CFAP299: variants seen among roughly 807,000 people sequenced by gnomAD.
CFAP299 encodes cilia- and flagella-associated protein 299.
In CFAP299, 21 loss-of-function variants were observed where a neutral mutation model predicts 27.0. The observed-to-expected ratio is 0.78, with a 90% CI of 0.55 to 1.12. The LOEUF is 1.12. Among genes scored for constraint, CFAP299 ranks in the 50% most tolerant of loss-of-function variants. CFAP299 has a pLI of 0.00. For synonymous variants in CFAP299, 104 were observed against 98.1 expected (o/e 1.06, Z -0.36); for missense variants, 310 against 276.6 (o/e 1.12, Z -0.86).
intron 4 of CFAP299, among the ~76,000 whole-genome samples, chr4:80,882,522 C>T (rs1283788192): frequency 1.3e-5 from 2 of 151,958 alleles, no homozygotes. Context: ...CCTGTAGTCC[C>T]AGCTACTCCG....
chr4:80,503,652 C>T (rs1731849333), intron 2 of CFAP299, among the ~76,000 whole-genome samples: 1 of 152,034 alleles, frequency 6.6e-6, no homozygotes, highest in African/African-American at 2.4e-5. Flanking sequence ...AGAACGGTGG[C>T]TAATATATAT....
chr4:80,662,405 T>C lies in CFAP299; in HGVS notation c.333+79222T>C, dbSNP rs1362828516. Among the ~76,000 whole-genome samples the C allele has an allele frequency of 1.6e-4, 9 of 56,798 alleles. No individual in the cohort carries two copies. The Admixed American group carries it at 2.4e-3, about 15-fold the overall frequency. The allele number at this position is 56,798 out of a possible 152,430, so 37.3% of individuals were successfully genotyped here. A position where few individuals can be genotyped will look rare whatever the true frequency, so the allele number is the denominator to read the frequency against. On this transcript the variant is annotated intron_variant, in intron 3 of 5. Transcript: ENST00000358105. ...CTATGTGAAATATTGGGTGTGAATT[T>C]CCCCCGAAAAAAAAAAAAAAGTGTT...
Position 80,898,010 on chromosome 4 carries a change from C to T in CFAP299, c.476+27875C>T, listed in dbSNP as rs548013864. Among the ~76,000 whole-genome samples the T allele has an allele frequency of 1.4e-3, 207 of 152,210 alleles. 2 individuals carry two copies. Among genetic ancestry groups the T allele is most frequent in the Non-Finnish European group, 2.2e-4 (15 of 68,020 alleles). On this transcript the variant is annotated intron_variant, in intron 4 of 5. Coordinates refer to ENST00000358105, the MANE Select transcript of CFAP299 (RefSeq NM_152770.3). Reference sequence around the variant, plus strand: ...TTTGGGCACTGGCAGGAGCAAACTCCATGTGGGGCCTCATGACAGTGTCCA... The same window carrying T: ...TTTGGGCACTGGCAGGAGCAAACTCTATGTGGGGCCTCATGACAGTGTCCA...
intron 2 of CFAP299, among the ~76,000 whole-genome samples, chr4:80,469,129 C>T (rs914683997): frequency 2.0e-5 from 3 of 152,206 alleles, no homozygotes; most frequent in Non-Finnish European, 4.4e-5. Flanking sequence ...TCAGCAGCAT[C>T]AGCATCACCT....
chr4:80,898,306 C>T (rs1734712778), intron 4 of CFAP299, among the ~76,000 whole-genome samples: 3 of 151,908 alleles, frequency 2.0e-5, no homozygotes, highest in South Asian at 2.1e-4. Flanking sequence ...GCAATCCTCC[C>T]CCAAAGTCTG....
intron 2 of CFAP299, among the ~76,000 whole-genome samples, chr4:80,463,512 G>T (rs184303580): frequency 1.1e-4 from 17 of 152,246 alleles, no homozygotes; most frequent in Non-Finnish European, 2.1e-4. Flanking sequence ...CACAGTCTGG[G>T]TAACTTAAAT....
At chr4:80,363,461 C>T (rs1033841048) in intron 2 of CFAP299, among the ~76,000 whole-genome samples, 1 of 152,122 alleles carries the variant, frequency 6.6e-6, no homozygotes, top group East Asian at 1.9e-4. Flanking sequence ...AACTAGTTGA[C>T]AAATTAATAA....
chr4:80,755,675 C>T lies in CFAP299; in HGVS notation c.334-114318C>T, dbSNP rs76097806. Among the ~76,000 whole-genome samples the T allele has an allele frequency of 3.2e-4, 48 of 152,188 alleles. No individual in the cohort carries two copies. The East Asian group carries it at 5.8e-3, about 18-fold the overall frequency. ...TTAAGAAACTCAAATGTTCCCTTTT[C>T]TAAGTTGTAATTCCTGTGCAAGGAG... On this transcript the variant is annotated intron_variant, in intron 3 of 5. Transcript: ENST00000358105.
In CFAP299 at chr4:80,718,385, A is replaced by G. The variant is rs1415236928; in HGVS notation, c.333+135202A>G. On this transcript the variant is annotated intron_variant, in intron 3 of 5. Coordinates refer to ENST00000358105, the MANE Select transcript of CFAP299 (RefSeq NM_152770.3). ...AGAAACTACAGAAGTAGGAGAAAGG[A>G]TCTCTTTGATAAACAATGTCCTTAT... Among the ~76,000 whole-genome samples the G allele has an allele frequency of 2.6e-5, 4 of 152,052 alleles. No homozygotes were observed. The East Asian group carries it at 7.7e-4, about 29-fold the overall frequency.
At chr4:80,445,003 C>A (rs1728547490) in intron 2 of CFAP299, among the ~76,000 whole-genome samples, 1 of 151,932 alleles carries the variant, frequency 6.6e-6, no homozygotes, top group South Asian at 2.1e-4. Flanking sequence ...GAATGGCGAT[C>A]CATTAAAAAG....
chr4:80,354,881 A>G (rs907660243), intron 1 of CFAP299, among the ~76,000 whole-genome samples: 2 of 152,166 alleles, frequency 1.3e-5, no homozygotes, highest in African/African-American at 2.4e-5. Context: ...ATAGTGTTCT[A>G]TGGTATATAT....
intron 2 of CFAP299, among the ~76,000 whole-genome samples, chr4:80,467,837 A>G (rs1033898108): frequency 2.6e-5 from 4 of 152,230 alleles, no homozygotes; most frequent in Non-Finnish European, 4.4e-5. Context: ...GCAAAGGGGA[A>G]ACAAGGATAT....
chr4:80,782,986 C>A (rs1032426911), intron 3 of CFAP299, among the ~76,000 whole-genome samples: 1 of 151,770 alleles, frequency 6.6e-6, no homozygotes, highest in Non-Finnish European at 1.5e-5. Flanking sequence ...CCTTATCAGG[C>A]AGAGTAGATT....
chr4:80,620,486 A>G (rs186032725), intron 3 of CFAP299, among the ~76,000 whole-genome samples: 1 of 152,248 alleles, frequency 6.6e-6, no homozygotes, highest in East Asian at 1.9e-4. Flanking sequence ...TTTGAAAAGA[A>G]TTTAACACAT....
intron 3 of CFAP299, among the ~76,000 whole-genome samples, chr4:80,695,498 T>C (rs915697687): frequency 3.3e-5 from 5 of 152,212 alleles, no homozygotes; most frequent in African/African-American, 1.2e-4. Flanking sequence ...AAGACCCGAA[T>C]GGATGTGGGC....
At chr4:80,762,183 A>T (rs570350576) in intron 3 of CFAP299, among the ~76,000 whole-genome samples, 38 of 152,074 alleles carry the variant, frequency 2.5e-4, no homozygotes, top group African/African-American at 8.7e-4. Flanking sequence ...TAACCTCAGG[A>T]TATGTTTCAA....
At chr4:80,413,961 C>G (rs1216035429) in intron 2 of CFAP299, among the ~76,000 whole-genome samples, 1 of 151,822 alleles carries the variant, frequency 6.6e-6, no homozygotes, top group Non-Finnish European at 1.5e-5. Context: ...AATCATCTGG[C>G]CCATGTTCAT....
chr4:80,597,777 TC>T (rs2018393902), intron 3 of CFAP299, among the ~76,000 whole-genome samples: 1 of 152,102 alleles, frequency 6.6e-6, no homozygotes, highest in African/African-American at 2.4e-5. Context: ...ACCTCCTGCT[TC>T]CAGGTTCAGG....
Position 80,664,779 on chromosome 4 carries a change from A to G in CFAP299, c.333+81596A>G, listed in dbSNP as rs376339312. Among the ~76,000 whole-genome samples the G allele has an allele frequency of 1.2e-4, 19 of 152,176 alleles. No homozygotes were observed. The East Asian group carries it at 2.9e-3, about 23-fold the overall frequency. ...TGTTCTAGGCACCACTGGGGTATGA[A>G]AAAAAACTCCTGCAGCTAGCTCTGT... On this transcript the variant is annotated intron_variant, in intron 3 of 5. Transcript: ENST00000358105.
Sources: gnomAD v4.1 joint callset for allele counts (sites outside exome capture counted in the v4.1 genomes callset) on GRCh38, gnomAD v4.1.1 for gene constraint, MANE v1.5 for transcripts, NCBI Gene and HGNC (gene_info 2026-07-23, HGNC 2026-07-21) for gene names.